The following VIL1 variants were observed in gnomAD, a reference collection of about 807,000 sequenced individuals.
The protein encoded by VIL1 is villin-1.
VIL1 carries 86 observed loss-of-function variants against 104.0 expected under a neutral mutation model. That is an observed-to-expected ratio of 0.83 (90% CI 0.69 to 0.99). The LOEUF is 0.99. Among genes scored for constraint, VIL1 ranks in the 50% least tolerant of loss-of-function variants. The pLI, the probability that VIL1 is intolerant of heterozygous loss-of-function variation, is 0.00. For synonymous variants in VIL1, 394 were observed against 412.6 expected (o/e 0.95, Z 0.55); for missense variants, 944 against 1,054.1 (o/e 0.90, Z 1.45).
intron 15 of VIL1, among the ~76,000 whole-genome samples, 153 bp downstream of exon 15, chr2:218,435,587 G>A (rs1423315568): frequency 6.6e-6 from 1 of 152,194 alleles, no homozygotes; most frequent in African/African-American, 2.4e-5. Flanking sequence ...ATGAATAAAG[G>A]GCAGCCCATA....
At chr2:218,431,827 CAGTT>C in intron 10 of VIL1, 26 bp from the exon 11 acceptor site, 1 of 1,590,000 alleles carries the variant, frequency 6.3e-7, no homozygotes, top group Non-Finnish European at 8.6e-7. Context: ...CAGCTGGTGA[CAGTT>C]GGTTTCATGA....
chr2:218,425,537 C>A (rs573020588), intron 3 of VIL1, 78 bp from the exon 4 acceptor site: 1 of 1,466,002 alleles, frequency 6.8e-7, no homozygotes, highest in East Asian at 2.3e-5. Flanking sequence ...CTGGACGGCA[C>A]GTGTGTGGGA....
At chr2:218,446,300 T>C (rs955017766) in intron 19 of VIL1, among the ~76,000 whole-genome samples, 12 of 152,176 alleles carry the variant, frequency 7.9e-5, no homozygotes, top group Non-Finnish European at 1.3e-4. Flanking sequence ...AGTGCCATCA[T>C]CTTGGCTCAC....
chr2:218,421,365 C>A (rs914462403), intron 1 of VIL1, among the ~76,000 whole-genome samples: 2 of 151,982 alleles, frequency 1.3e-5, no homozygotes, highest in Non-Finnish European at 2.9e-5. Context: ...CTTGGGGTGA[C>A]CATGCCCTTC....
Position 218,429,399 on chromosome 2 carries a change from C to T in VIL1, c.682C>T (p.His228Tyr), listed in dbSNP as rs769529653. Residue 228 changes from histidine (H) to tyrosine (Y), a missense_variant, in exon 7 of 20, where the codon CAC becomes TAC. Transcript: ENST00000248444. ...ASPKLMEVMN[H>Y]VLGKRRELKA... ...CCCGAAGCTGATGGAGGTGATGAAC[C>T]ACGTGCTGGGCAAGCGCAGGGAGCT... 8.1e-6 allele frequency: 13 copies of T among 1,614,120 alleles called. No homozygotes were observed. The highest frequency in any genetic ancestry group is 1.0e-5 in the Non-Finnish European group (12 of 1,180,040).
chr2:218,443,021 A>G (rs12105068), intron 19 of VIL1, among the ~76,000 whole-genome samples: 7,359 of 152,176 alleles, frequency 0.048, 508 homozygotes, highest in African/African-American at 0.16. Context: ...CCCTTGGTAC[A>G]TAGTACTCTA....
intron 1 of VIL1, among the ~76,000 whole-genome samples, chr2:218,421,803 C>T (rs1052149719): frequency 6.6e-6 from 1 of 152,164 alleles, no homozygotes; most frequent in Non-Finnish European, 1.5e-5. Flanking sequence ...CTCATGTCCA[C>T]CCTCTATTCC....
intron 9 of VIL1, 147 bp downstream of exon 9, chr2:218,430,094 G>C (rs777903242): frequency 6.3e-5 from 47 of 743,084 alleles, no homozygotes; most frequent in Non-Finnish European, 8.2e-5. Context: ...CAGGATGAGG[G>C]CTGGGCCCGG....
rs748815546 is a variant in VIL1 at position 218,431,904 on chromosome 2, C to T, written c.1150C>T (p.Pro384Ser). 1.9e-6 allele frequency: 3 copies of T among 1,613,944 alleles called. No homozygotes were observed. The South Asian group carries it at 3.3e-5, about 18-fold the overall frequency. The change falls in exon 11 of 20, where the codon CCT (proline) becomes TCT (serine). Residue 384 changes from proline to serine, a missense_variant. Pro to Ser is a moderately conservative substitution (Grantham distance 74). Coordinates refer to ENST00000248444, the MANE Select transcript of VIL1 (RefSeq NM_007127.3). The stretch of plus-strand genomic sequence containing the variant: ...CGATGCCACATCCATGCATGTCAAG[C>T]CTCAGGTGGCTGCCCAGCAGAAGAT... ...KFDATSMHVK[P>S]QVAAQQKMVD...
At chr2:218,439,835 A>C (rs1458280432) in intron 18 of VIL1, among the ~76,000 whole-genome samples, 1 of 151,536 alleles carries the variant, frequency 6.6e-6, no homozygotes, top group Non-Finnish European at 1.5e-5. Flanking sequence ...AAAAAAAAAA[A>C]AACCCGAAAA....
intron 19 of VIL1, among the ~76,000 whole-genome samples, chr2:218,447,254 A>AG (rs1334442446): frequency 1.3e-5 from 2 of 152,210 alleles, no homozygotes; most frequent in Admixed American, 1.3e-4. Flanking sequence ...AGGGCCCAGG[A>AG]GGGAGACTTC....
At chr2:218,436,236 A>G (rs1427140662) in intron 15 of VIL1, among the ~76,000 whole-genome samples, 1 of 152,156 alleles carries the variant, frequency 6.6e-6, no homozygotes, top group African/African-American at 2.4e-5. Flanking sequence ...TGGAGGGAAG[A>G]TATCAGGAAG....
Position 218,435,219 on chromosome 2 carries a change from G to A in VIL1, c.1681-70G>A, listed in dbSNP as rs1262744645. ...AGCCCTCTTTGACCCCTGAACTCTGGGCAGTGAATGTAGTAGGAGGGTGGA... is the reference window on the plus strand; with the variant it reads ...AGCCCTCTTTGACCCCTGAACTCTGAGCAGTGAATGTAGTAGGAGGGTGGA... On this transcript the variant is annotated intron_variant, in intron 14 of 19. Coordinates refer to ENST00000248444, the MANE Select transcript of VIL1 (RefSeq NM_007127.3). 4 of 1,575,532 alleles carry A rather than the reference G, an allele frequency of 2.5e-6. No individual in the cohort carries two copies. The African/African-American group carries it at 5.4e-5, about 21-fold the overall frequency.
intron 4 of VIL1, among the ~76,000 whole-genome samples, chr2:218,426,222 C>A (rs1394005344): frequency 6.6e-6 from 1 of 152,084 alleles, no homozygotes; most frequent in Non-Finnish European, 1.5e-5. Flanking sequence ...GCAGGCCTAT[C>A]ACACTAAAAA....
At chr2:218,424,165 A>G (rs1574811665) in intron 2 of VIL1, 112 bp from the exon 3 acceptor site, 3 of 908,194 alleles carry the variant, frequency 3.3e-6, no homozygotes, top group African/African-American at 1.7e-5. Flanking sequence ...CTCTCCTTTC[A>G]TTCCTGGGCC....
intron 17 of VIL1, among the ~76,000 whole-genome samples, 167 bp from the exon 18 acceptor site, chr2:218,438,491 A>T (rs1214167047): frequency 6.6e-6 from 1 of 152,058 alleles, no homozygotes; most frequent in African/African-American, 2.4e-5. Flanking sequence ...CTCACCATCT[A>T]ATCTCCTTTT....
intron 18 of VIL1, among the ~76,000 whole-genome samples, 151 bp from the exon 19 acceptor site, chr2:218,440,569 CTA>C (rs2106396227): frequency 6.6e-6 from 1 of 152,258 alleles, no homozygotes; most frequent in African/African-American, 2.4e-5. Flanking sequence ...TGCACCCAGC[CTA>C]TGTTGTTCTT....
At chr2:218,434,393 G>T in intron 13 of VIL1, 133 bp from the exon 14 acceptor site, 1 of 846,354 alleles carries the variant, frequency 1.2e-6, no homozygotes. Flanking sequence ...GTTTTAGAAA[G>T]ACCTGGTGAC....
At chr2:218,446,147 C>G (rs188388981) in intron 19 of VIL1, among the ~76,000 whole-genome samples, 25 of 152,304 alleles carry the variant, frequency 1.6e-4, no homozygotes, top group African/African-American at 5.5e-4. Context: ...TGCCGCTACC[C>G]TCCCGCTCTA....
Sources: allele counts gnomAD v4.1 joint callset (sites outside exome capture counted in the v4.1 genomes callset), GRCh38; gene constraint gnomAD v4.1.1; transcripts MANE v1.5; gene names NCBI Gene and HGNC (gene_info 2026-07-23, HGNC 2026-07-21).